Variants in NOTCH2NLR observed in about 807,000 individuals in gnomAD.
NOTCH2NLR encodes the protein notch 2 N-terminal like R.
A neutral mutation model predicts 35.6 loss-of-function variants in NOTCH2NLR; 33 were observed. The observed-to-expected ratio is 0.93, with a 90% CI of 0.70 to 1.24. The LOEUF is 1.24. Among genes scored for constraint, NOTCH2NLR ranks in the 50% most tolerant of loss-of-function variants. NOTCH2NLR has a pLI of 0.00. For missense variants in NOTCH2NLR, 276 were observed against 362.2 expected, an observed-to-expected ratio of 0.76 and a Z score of 1.93; for synonymous variants, 103 against 141.0, an observed-to-expected ratio of 0.73 and a Z score of 1.91.
At chr1:120,752,652 G>C (rs1651038011) in intron 1 of NOTCH2NLR, among the ~76,000 whole-genome samples, 1 of 38,026 alleles carries the variant, frequency 2.6e-5, no homozygotes, top group Non-Finnish European at 4.0e-5. Flanking sequence ...CTCATTGCAA[G>C]CTCCGCCTCC....
chr1:120,756,662 C>T, intron 1 of NOTCH2NLR, among the ~76,000 whole-genome samples: 1 of 117,784 alleles, frequency 8.5e-6, no homozygotes, highest in Non-Finnish European at 1.6e-5. Context: ...GACTTAATTA[C>T]TCATGTTAGA....
At chr1:120,727,326 T>C in intron 1 of NOTCH2NLR, among the ~76,000 whole-genome samples, 1 of 108,478 alleles carries the variant, frequency 9.2e-6, no homozygotes, top group South Asian at 2.7e-4. Flanking sequence ...GTGTATGAGG[T>C]CTTTCTAAAT....
intron 1 of NOTCH2NLR, among the ~76,000 whole-genome samples, chr1:120,729,072 T>C (rs1161308625): frequency 8.9e-6 from 1 of 112,300 alleles, no homozygotes; most frequent in Non-Finnish European, 1.7e-5. Flanking sequence ...CTTTCCCACC[T>C]TTAGAACATT....
Position 120,790,661 on chromosome 1 carries a change from G to A in NOTCH2NLR, c.416-2500G>A, listed in dbSNP as rs1205907190. On this transcript the variant is annotated intron_variant, in intron 3 of 4. Transcript: ENST00000624419. ...TCACTCTGTTGCTTAGTACAGTGGC[G>A]CAGTCTCGGCTCACTGCAACCTCCA... Among the ~76,000 whole-genome samples the A allele has an allele frequency of 1.1e-3, 119 of 105,418 alleles. 26 individuals are homozygous for A. Among genetic ancestry groups the A allele is most frequent in the Middle Eastern group, 8.8e-3 (2 of 228 alleles). 69.2% of individuals were successfully genotyped at this position (105,418 alleles called of 152,430 possible).
intron 1 of NOTCH2NLR, among the ~76,000 whole-genome samples, chr1:120,745,120 CAA>C (rs1180453854): frequency 2.7e-5 from 1 of 36,568 alleles, no homozygotes. Context: ...ATCCTGTCTC[CAA>C]AAAAAAAAAA....
At chr1:120,755,941 T>G (rs1651075563) in intron 1 of NOTCH2NLR, among the ~76,000 whole-genome samples, 1 of 94,682 alleles carries the variant, frequency 1.1e-5, no homozygotes. Context: ...TGCTTTTTTT[T>G]TTTTTTTTTT....
intron 2 of NOTCH2NLR, among the ~76,000 whole-genome samples, chr1:120,784,391 T>C (rs1228481470): frequency 8.6e-6 from 1 of 116,120 alleles, no homozygotes; most frequent in Non-Finnish European, 1.6e-5. Context: ...CAGTTACAGC[T>C]CTCATCTATT....
chr1:120,750,536 A>G lies in NOTCH2NLR; in HGVS notation c.74-13092A>G, dbSNP rs1210749487. Among the ~76,000 whole-genome samples the G allele has an allele frequency of 3.8e-5, 4 of 105,006 alleles. 2 individuals carry two copies. The highest frequency in any genetic ancestry group is 2.5e-4 in the African/African-American group (4 of 15,798). 68.9% of individuals were successfully genotyped at this position (105,006 alleles called of 152,430 possible). ...GCCTTGCTTTTCTTCATGATGCCCT[A>G]TTAGCTTCATCTTCAGGTAGCATAG... On this transcript the variant is annotated intron_variant, in intron 1 of 4. Transcript: ENST00000624419.
chr1:120,725,032 C>A (rs2101334734), intron 1 of NOTCH2NLR, among the ~76,000 whole-genome samples: 5 of 56,594 alleles, frequency 8.8e-5, no homozygotes, highest in East Asian at 7.9e-4. Flanking sequence ...CTGGCAGCAG[C>A]ATTTGCTGCT....
At position 120,747,578 on chromosome 1, in the gene NOTCH2NLR, AT is replaced by A. The variant is rs1313919802; in HGVS notation, c.74-16048del. Among the ~76,000 whole-genome samples the A allele has an allele frequency of 7.3e-5, 2 of 27,406 alleles. 1 individual carries two copies. Among genetic ancestry groups the A allele is most frequent in the Admixed American group, 6.3e-4 (2 of 3,158 alleles). 18.0% of individuals were successfully genotyped at this position (27,406 alleles called of 152,430 possible). A position where few individuals can be genotyped will look rare whatever the true frequency, so the allele number is the denominator to read the frequency against. On this transcript the variant is annotated intron_variant, in intron 1 of 4. Transcript: ENST00000624419. ...TCCTCAAGTAAATACATATTTATAC[AT>A]TATATAAATGTCTGGCTATTAAACC...
chr1:120,788,379 A>G (rs1270831138), intron 3 of NOTCH2NLR, among the ~76,000 whole-genome samples: 5 of 83,252 alleles, frequency 6.0e-5, no homozygotes, highest in African/African-American at 4.5e-4. Flanking sequence ...TGGTGGCAGC[A>G]TTCCTCCCTC....
rs1165026170 is a variant in NOTCH2NLR, at chr1:120,781,721, G to A, written c.156-3253G>A. Among the ~76,000 whole-genome samples the A allele has an allele frequency of 1.1e-3, 109 of 103,436 alleles. 26 individuals carry two copies. The highest frequency in any genetic ancestry group is 2.5e-3 in the South Asian group (9 of 3,576). 67.9% of individuals were successfully genotyped at this position (103,436 alleles called of 152,430 possible). A position where few individuals can be genotyped will look rare whatever the true frequency, so the allele number is the denominator to read the frequency against. On this transcript the variant is annotated intron_variant, in intron 2 of 4. Coordinates refer to ENST00000624419, the Ensembl canonical transcript of NOTCH2NLR. ...TGGGACTACAGGCGCCTGCCACCAC[G>A]CCTGGCTAATTTTTTATATTTTTAG...
intron 1 of NOTCH2NLR, among the ~76,000 whole-genome samples, chr1:120,756,087 T>G (rs1378067571): frequency 2.6e-5 from 3 of 115,098 alleles, no homozygotes; most frequent in Middle Eastern, 7.2e-3. Flanking sequence ...CATGGCTTGA[T>G]CCCAAAAAAT....
chr1:120,730,642 G>A lies in NOTCH2NLR; in HGVS notation c.73+6392G>A, dbSNP rs1213388935. Among the ~76,000 whole-genome samples, 2 of 112,062 alleles carry A rather than the reference G, an allele frequency of 1.8e-5. 1 individual carries two copies. The highest frequency in any genetic ancestry group is 3.4e-5 in the Non-Finnish European group (2 of 59,606). 73.5% of individuals were successfully genotyped at this position (112,062 alleles called of 152,430 possible). On this transcript the variant is annotated intron_variant, in intron 1 of 4. Transcript: ENST00000624419. ...ATCTGTGTGGCAGAACATACATTGT[G>A]GTCTTAAAAAGGAGAGTAAAGCCAA...
In NOTCH2NLR at chr1:120,780,028, C is replaced by T. The variant is rs1241695461; in HGVS notation, c.156-4946C>T. On this transcript the variant is annotated intron_variant, in intron 2 of 4. Transcript: ENST00000624419. Reference sequence around the variant, plus strand: ...AGGTTGATTTGGCCTGTTATTCTACCAGGCAGATCACAGAGTAGAGATGGA... The same window carrying T: ...AGGTTGATTTGGCCTGTTATTCTACTAGGCAGATCACAGAGTAGAGATGGA... Among the ~76,000 whole-genome samples the T allele has an allele frequency of 2.3e-5, 3 of 131,304 alleles. 1 individual carries two copies. The highest frequency in any genetic ancestry group is 4.8e-5 in the Non-Finnish European group (3 of 62,336). The allele number at this position is 131,304 out of a possible 152,430, so 86.1% of individuals were successfully genotyped here.
intron 1 of NOTCH2NLR, among the ~76,000 whole-genome samples, chr1:120,742,360 G>A: frequency 3.2e-5 from 1 of 31,268 alleles, no homozygotes; most frequent in Non-Finnish European, 5.0e-5. Flanking sequence ...TGTGTGTTGG[G>A]AGGAGGAATA....
Position 120,793,295 on chromosome 1 carries a change from A to T in NOTCH2NLR, c.550A>T (p.Asn184Tyr). 5.0e-6 allele frequency: 7 copies of T among 1,397,708 alleles called. 2 individuals are homozygous for T. Among genetic ancestry groups the T allele is most frequent in the Non-Finnish European group, 6.7e-6 (7 of 1,040,400 alleles). 86.6% of individuals were successfully genotyped at this position (1,397,708 alleles called of 1,614,324 possible). A position where few individuals can be genotyped will look rare whatever the true frequency, so the allele number is the denominator to read the frequency against. ...AGGGCAGAAGTGTGAGACTGATGTC[A>T]ATGAGTGTGACATTCCAGGACACTG... The change falls in exon 4 of 5, where the codon AAT becomes TAT. Residue 184 changes from asparagine (N) to tyrosine (Y), a missense_variant. By Grantham distance (143) the Asn-to-Tyr change is moderately radical. Transcript: ENST00000624419.
rs1377216940 is a variant in NOTCH2NLR at position 120,790,367 on chromosome 1, A to G, written c.416-2794A>G. Among the ~76,000 whole-genome samples, 2 of 114,464 alleles carry G rather than the reference A, an allele frequency of 1.7e-5. 1 individual carries two copies. Among genetic ancestry groups the G allele is most frequent in the Admixed American group, 1.7e-4 (2 of 11,982 alleles). 75.1% of individuals were successfully genotyped at this position (114,464 alleles called of 152,430 possible). On this transcript the variant is annotated intron_variant, in intron 3 of 4. Transcript: ENST00000624419. ...ATTTTTGTCTATCACTTTAGGAATC[A>G]TCACAGATCAAGGTCATCCTTTTGG...
At chr1:120,761,206 TGTCAGGACACTTAATAGGAACAGGCC>T (rs1167936843) in intron 1 of NOTCH2NLR, among the ~76,000 whole-genome samples, 1 of 124,142 alleles carries the variant, frequency 8.1e-6, no homozygotes, top group Non-Finnish European at 1.6e-5. Flanking sequence ...TGTAATGATT[TGTCAGGACACTTAATAGGAACAGGCC>T]GTGATTTTTG....
Sources: allele counts gnomAD v4.1 joint callset (sites outside exome capture counted in the v4.1 genomes callset), GRCh38; gene constraint gnomAD v4.1.1; transcripts MANE v1.5; gene names NCBI Gene and HGNC (gene_info 2026-07-23, HGNC 2026-07-21).